Variants in HACL1 observed in about 807,000 individuals in gnomAD.
HACL1 encodes the protein 1600020H07Rik.
A neutral mutation model predicts 74.2 loss-of-function variants in HACL1; 64 were observed. That is an observed-to-expected ratio of 0.86 (90% CI 0.70 to 1.06). The LOEUF is 1.06. Ranked by LOEUF, HACL1 falls within the 50% of genes least tolerant of loss-of-function variation. HACL1 has a pLI of 0.00. For synonymous variants in HACL1, 230 were observed against 238.8 expected (o/e 0.96, Z 0.34); for missense variants, 728 against 719.7 (o/e 1.01, Z -0.13).
At chr3:15,572,736 T>C (rs1447322783) in intron 11 of HACL1, among the ~76,000 whole-genome samples, 1 of 152,248 alleles carries the variant, frequency 6.6e-6, no homozygotes, top group African/African-American at 2.4e-5. Context: ...AAGTCACTGA[T>C]TAGTTTGAAG....
At chr3:15,591,506 A>C in intron 4 of HACL1, 94 bp downstream of exon 4, 1 of 648,400 alleles carries the variant, frequency 1.5e-6, no homozygotes, top group South Asian at 2.0e-5. Flanking sequence ...TTTTTTTCCA[A>C]GTCTTTCTAC....
chr3:15,596,396 T>C lies in HACL1; in HGVS notation c.215A>G (p.Tyr72Cys), dbSNP rs146264180. The C allele has an allele frequency of 1.0e-5, 16 of 1,593,744 alleles. No individual in the cohort carries two copies. The highest frequency in any genetic ancestry group is 3.3e-5 in the Admixed American group (2 of 59,988). ...AATTTTAGTTTACCTGCTTGTCAGATATCCAATCGCGGAGGCAGCATAACA... is the reference window on the plus strand; with the variant it reads ...AATTTTAGTTTACCTGCTTGTCAGACATCCAATCGCGGAGGCAGCATAACA... ...AACYAASAIG[Y>C]LTSRPGVCLV... The change falls in exon 3 of 17, where the codon TAT becomes TGT. Residue 72 changes from tyrosine to cysteine, a missense_variant. By Grantham distance (194) the Tyr-to-Cys change is radical (BLOSUM62 -2). Transcript: ENST00000321169.
chr3:15,589,490 C>T (rs2063852598), intron 5 of HACL1, 50 bp downstream of exon 5: 1 of 1,156,412 alleles, frequency 8.6e-7, no homozygotes, highest in Non-Finnish European at 1.3e-6. Context: ...AAGCAAGATC[C>T]TGTTTCAAAA....
At chr3:15,561,197 G>C (rs1315799629) in intron 16 of HACL1, among the ~76,000 whole-genome samples, 1 of 152,220 alleles carries the variant, frequency 6.6e-6, no homozygotes, top group Non-Finnish European at 1.5e-5. Context: ...GGGAGATGAA[G>C]GAGGCCCACA....
At chr3:15,598,623 A>G (rs1290185607) in intron 2 of HACL1, among the ~76,000 whole-genome samples, 1 of 152,242 alleles carries the variant, frequency 6.6e-6, no homozygotes, top group East Asian at 1.9e-4. Flanking sequence ...CTTGCTGACA[A>G]TCTGCCTACT....
At position 15,568,514 on chromosome 3, in the gene HACL1, T is replaced by C; in HGVS notation, c.1168A>G (p.Arg390Gly). 1.3e-6 allele frequency: 2 copies of C among 1,589,596 alleles called. No homozygotes were observed. Among genetic ancestry groups the C allele is most frequent in the Middle Eastern group, 3.3e-4 (2 of 6,018 alleles). ...VFYHVQEQLPRDCFVVSEGAN... is the reference protein window; with the variant it reads ...VFYHVQEQLPGDCFVVSEGAN... ...CCTTCACTTACCACGAAACAGTCTC[T>C]AGGTAGTTGTTCTTGAACATGGTAG... is the stretch of plus-strand genomic sequence containing the variant. Residue 390 changes from arginine (R) to glycine (G), a missense_variant, in exon 13 of 17, where the codon AGA (arginine) becomes GGA (glycine). Coordinates refer to ENST00000321169, the MANE Select transcript of HACL1 (RefSeq NM_012260.4).
Position 15,575,548 on chromosome 3 carries a change from T to A in HACL1, c.804-466A>T, listed in dbSNP as rs74282186. On this transcript the variant is annotated intron_variant, in intron 9 of 16. Coordinates refer to ENST00000321169, the MANE Select transcript of HACL1 (RefSeq NM_012260.4). ...ATAATACTGTCTCATACACTTTTTT[T>A]ATTTTGTTTTGAGACAGGGTCTCTC... is the stretch of plus-strand genomic sequence containing the variant. Among the ~76,000 whole-genome samples the A allele has an allele frequency of 1.2e-3, 190 of 152,094 alleles. 3 individuals are homozygous for A. The East Asian group carries it at 0.03, about 24-fold the overall frequency.
intron 5 of HACL1, 66 bp downstream of exon 5, chr3:15,589,471 TCAA>T: frequency 2.0e-6 from 2 of 992,930 alleles, no homozygotes; most frequent in Admixed American, 1.8e-5. Flanking sequence ...CACTGCAGCC[TCAA>T]CAACAAAGCA....
chr3:15,593,497 G>A (rs1242007791), intron 3 of HACL1, among the ~76,000 whole-genome samples: 1 of 152,002 alleles, frequency 6.6e-6, no homozygotes. Context: ...GGGATTACAG[G>A]CATAAGCCAG....
At chr3:15,570,946 A>G (rs2063517795) in intron 12 of HACL1, among the ~76,000 whole-genome samples, 1 of 151,650 alleles carries the variant, frequency 6.6e-6, no homozygotes, top group Non-Finnish European at 1.5e-5. Context: ...CCAAGATTTA[A>G]GGATTCAAAA....
intron 9 of HACL1, among the ~76,000 whole-genome samples, chr3:15,579,085 G>C (rs1302183713): frequency 6.6e-6 from 1 of 152,200 alleles, no homozygotes; most frequent in East Asian, 1.9e-4. Flanking sequence ...ACTTCGATTT[G>C]TAGTCAAGCT....
intron 15 of HACL1, among the ~76,000 whole-genome samples, chr3:15,564,188 C>T (rs944013372): frequency 2.6e-5 from 4 of 152,178 alleles, no homozygotes; most frequent in African/African-American, 7.2e-5. Flanking sequence ...GAAGGTAGAC[C>T]TCTGGAACAC....
intron 16 of HACL1, among the ~76,000 whole-genome samples, chr3:15,562,998 T>C (rs2063369914): frequency 6.6e-6 from 1 of 152,104 alleles, no homozygotes; most frequent in African/African-American, 2.4e-5. Context: ...AACCCCAACA[T>C]AAATCTGATT....
intron 3 of HACL1, among the ~76,000 whole-genome samples, chr3:15,592,188 A>G (rs1368411624): frequency 1.3e-5 from 2 of 150,352 alleles, no homozygotes; most frequent in African/African-American, 4.9e-5. Flanking sequence ...ATATGTATAC[A>G]TACGTATATA....
chr3:15,575,221 A>C (rs1332966180), intron 9 of HACL1, 139 bp from the exon 10 acceptor site: 3 of 502,000 alleles, frequency 6.0e-6, no homozygotes, highest in African/African-American at 5.7e-5. Context: ...GGTATATTTG[A>C]TCTTTCAAGC....
At chr3:15,597,894 T>C (rs1308592173) in intron 2 of HACL1, among the ~76,000 whole-genome samples, 3 of 152,108 alleles carry the variant, frequency 2.0e-5, no homozygotes, top group Non-Finnish European at 4.4e-5. Context: ...TTATGATAGC[T>C]AGGTAAGAAA....
intron 14 of HACL1, among the ~76,000 whole-genome samples, chr3:15,566,018 C>T (rs2063428812): frequency 6.6e-6 from 1 of 152,150 alleles, no homozygotes; most frequent in African/African-American, 2.4e-5. Flanking sequence ...TTTGCAAATA[C>T]TGCACAATTT....
At chr3:15,587,615 T>G (rs1275154800) in intron 5 of HACL1, among the ~76,000 whole-genome samples, 1 of 152,204 alleles carries the variant, frequency 6.6e-6, no homozygotes, top group East Asian at 1.9e-4. Context: ...CCTGTTTTCT[T>G]TTTCACGTAT....
chr3:15,573,043 G>A lies in HACL1; in HGVS notation c.993+116C>T, dbSNP rs2063563271. ...AGAATAGTTTTCAATCATACATTTTGTTTAAAACAGATATGAATAGTAGAC... is the reference window on the plus strand; with the variant it reads ...AGAATAGTTTTCAATCATACATTTTATTTAAAACAGATATGAATAGTAGAC... On this transcript the variant is annotated intron_variant, in intron 11 of 16. Transcript: ENST00000321169. 4.7e-6 allele frequency: 3 copies of A among 634,970 alleles called. No homozygotes were observed. In the Admixed American group the frequency reaches 8.4e-5, roughly 18 times the overall value. The allele number at this position is 634,970 out of a possible 1,614,324, so 39.3% of individuals were successfully genotyped here. A position where few individuals can be genotyped will look rare whatever the true frequency, so the allele number is the denominator to read the frequency against.
Sources: allele counts gnomAD v4.1 joint callset (sites outside exome capture counted in the v4.1 genomes callset), GRCh38; gene constraint gnomAD v4.1.1; transcripts MANE v1.5; gene names NCBI Gene and HGNC (gene_info 2026-07-23, HGNC 2026-07-21).